PRMT1: variants seen among roughly 807,000 people sequenced by gnomAD.
The protein encoded by PRMT1 is protein arginine methyltransferase 1, also known as protein arginine N-methyltransferase 1.
In PRMT1, 5 loss-of-function variants were observed where a neutral mutation model predicts 47.4. The ratio of observed to expected loss-of-function variants is 0.11; its 90% CI spans 0.06 to 0.22. The LOEUF (loss-of-function observed/expected upper bound fraction) is 0.22. Among genes scored for constraint, PRMT1 ranks in the 10% least tolerant of loss-of-function variants. The probability of loss-of-function intolerance (pLI) is 1.00; values close to 1 mark genes in which losing one functional copy is unlikely to be tolerated. For synonymous variants in PRMT1, 227 were observed against 204.6 expected, an observed-to-expected ratio of 1.11 and a Z score of -0.94; for missense variants, 249 against 518.4, an observed-to-expected ratio of 0.48 and a Z score of 5.05.
Position 49,680,804 on chromosome 19 carries a change from G to A in PRMT1, c.192+216G>A, listed in dbSNP as rs2122951737. Among the ~76,000 whole-genome samples, 1 of 152,348 alleles carries A rather than the reference G, an allele frequency of 6.6e-6. No homozygotes were observed. The highest frequency in any genetic ancestry group is 1.5e-5 in the Non-Finnish European group (1 of 68,024). On this transcript the variant is annotated intron_variant, in intron 3 of 10. Coordinates refer to ENST00000454376, the MANE Select transcript of PRMT1 (RefSeq NM_001536.6). The surrounding 1 kb of genome is among the most constrained non-coding windows in gnomAD (Gnocchi z 4.2). The stretch of plus-strand genomic sequence containing the variant: ...CTGCAGGGGCCTCGCGCCGAAGGCT[G>A]GGGTGGGAGAGCGCATGCGTGCCTG...
Position 49,688,121 on chromosome 19 carries a change from T to A in PRMT1, c.1033-41T>A. The stretch of plus-strand genomic sequence containing the variant: ...CCTGCACCCGCCCCCCGCCACCACC[T>A]CCTGGTGGGTTCCGCCCTCATGCCC... On this transcript the variant is annotated intron_variant, in intron 10 of 10. Transcript: ENST00000454376. The surrounding 1 kb of genome is among the most constrained non-coding windows in gnomAD (Gnocchi z 5.3). The A allele has an allele frequency of 6.4e-7, 1 of 1,553,920 alleles. No homozygotes were observed. Among genetic ancestry groups the A allele is most frequent in the Non-Finnish European group, 8.9e-7 (1 of 1,127,760 alleles).
rs943172387 is a variant in PRMT1 at position 49,685,910 on chromosome 19, G to T, written c.760-183G>T. 2.1e-6 allele frequency: 3 copies of T among 1,424,574 alleles called. No homozygotes were observed. Among genetic ancestry groups the T allele is most frequent in the Non-Finnish European group, 2.7e-6 (3 of 1,093,860 alleles). 88.2% of individuals were successfully genotyped at this position (1,424,574 alleles called of 1,614,324 possible). The stretch of plus-strand genomic sequence containing the variant: ...AGGAATCTGGGCTCGAACCCACATG[G>T]TTTATTGGGAGCCGGATAGGCAGGA... On this transcript the variant is annotated intron_variant, in intron 8 of 10. Transcript: ENST00000454376. This position sits in a 1 kb window ranked among gnomAD's most constrained non-coding sequence, Gnocchi z 4.7.
chr19:49,681,810 G>A lies in PRMT1; in HGVS notation c.193-100G>A, dbSNP rs571114852. ...GAAACTGAGGTGCATGGAAGAAAGC[G>A]AGAGGGCCGAGCTCTGGCCCTCCGA... On this transcript the variant is annotated intron_variant, in intron 3 of 10. Transcript: ENST00000454376. The surrounding 1 kb of genome is among the most constrained non-coding windows in gnomAD (Gnocchi z 4.4). 7.9e-6 allele frequency: 9 copies of A among 1,144,500 alleles called. 1 individual carries two copies. The highest frequency in any genetic ancestry group is 6.0e-5 in the South Asian group (3 of 50,314). 70.9% of individuals were successfully genotyped at this position (1,144,500 alleles called of 1,614,324 possible).
At chr19:49,687,677 G>A (rs570686900) in intron 10 of PRMT1, among the ~76,000 whole-genome samples, 7 of 152,220 alleles carry the variant, frequency 4.6e-5, no homozygotes, top group Non-Finnish European at 4.4e-5. Context: ...CCGGGACCAC[G>A]GCACTAGCTG....
chr19:49,685,752 C>T lies in PRMT1; in HGVS notation c.760-341C>T. ...AGGGTTTAGGTTGGCATTTGTGTTG[C>T]CGTTTGAAGCCATCATGTTGTTGGA... On this transcript the variant is annotated intron_variant, in intron 8 of 10. Transcript: ENST00000454376. The surrounding 1 kb of genome is among the most constrained non-coding windows in gnomAD (Gnocchi z 4.7). 9.2e-7 allele frequency: 1 copy of T among 1,092,264 alleles called. No individual in the cohort carries two copies. The highest frequency in any genetic ancestry group is 1.1e-6 in the Non-Finnish European group (1 of 896,468). The allele number at this position is 1,092,264 out of a possible 1,614,324, so 67.7% of individuals were successfully genotyped here. A position where few individuals can be genotyped will look rare whatever the true frequency, so the allele number is the denominator to read the frequency against.
chr19:49,680,688 G>A lies in PRMT1; in HGVS notation c.192+100G>A. On this transcript the variant is annotated intron_variant, in intron 3 of 10. Coordinates refer to ENST00000454376, the MANE Select transcript of PRMT1 (RefSeq NM_001536.6). The surrounding 1 kb of genome is among the most constrained non-coding windows in gnomAD (Gnocchi z 4.2). The stretch of plus-strand genomic sequence containing the variant: ...CCACGCATGCGCACTGCTTCCCCTG[G>A]CCGCAGGCCGCCCCCCTGCCCCTCT... The A allele has an allele frequency of 1.1e-6, 1 of 948,198 alleles. No individual in the cohort carries two copies. Among genetic ancestry groups the A allele is most frequent in the South Asian group, 1.4e-5 (1 of 69,978 alleles). 58.7% of individuals were successfully genotyped at this position (948,198 alleles called of 1,614,324 possible). A position where few individuals can be genotyped will look rare whatever the true frequency, so the allele number is the denominator to read the frequency against.
chr19:49,684,220 A>T lies in PRMT1; in HGVS notation c.555+151A>T. ...CCACAGCCCAAGCCAGGTGTGACAG[A>T]CCCTGGAGGGAGATGGTGCGATGTG... On this transcript the variant is annotated intron_variant, in intron 6 of 10. Coordinates refer to ENST00000454376, the MANE Select transcript of PRMT1 (RefSeq NM_001536.6). This position sits in a 1 kb window ranked among gnomAD's most constrained non-coding sequence, Gnocchi z 6.2. The T allele has an allele frequency of 9.0e-7, 1 of 1,110,726 alleles. No homozygotes were observed. Among genetic ancestry groups the T allele is most frequent in the Non-Finnish European group, 1.3e-6 (1 of 775,534 alleles). 68.8% of individuals were successfully genotyped at this position (1,110,726 alleles called of 1,614,324 possible).
At chr19:49,683,869 G>A in intron 5 of PRMT1, 58 bp from the exon 6 acceptor site, 2 of 1,573,860 alleles carry the variant, frequency 1.3e-6, no homozygotes, top group South Asian at 1.1e-5. Context: ...CCCCGGGGGA[G>A]GTGAGGTGAG....
intron 1 of PRMT1, 86 bp downstream of exon 1, chr19:49,677,402 G>A (rs2082050693): frequency 2.5e-6 from 3 of 1,215,432 alleles, no homozygotes; most frequent in African/African-American, 3.1e-5. Context: ...GCTCTAAGTT[G>A]GCGATATGGG....
rs746059567 is a variant in PRMT1, at chr19:49,684,856, G to A, written c.643+15G>A. On this transcript the variant is annotated intron_variant, in intron 7 of 10. Coordinates refer to ENST00000454376, the MANE Select transcript of PRMT1 (RefSeq NM_001536.6). The surrounding 1 kb of genome is among the most constrained non-coding windows in gnomAD (Gnocchi z 6.2). The stretch of plus-strand genomic sequence containing the variant: ...CAAGATCCACTGTGAGCGCGGCCCG[G>A]GAGCTGGCGGGCGGGGCCTCGGGTG... 3 of 1,611,992 alleles carry A rather than the reference G, an allele frequency of 1.9e-6. No homozygotes were observed. The highest frequency in any genetic ancestry group is 2.5e-6 in the Non-Finnish European group (3 of 1,178,680).
rs1292754544 is a variant in PRMT1, at chr19:49,681,769, GAATA to G, written c.193-136_193-133del. 4 of 557,930 alleles carry G rather than the reference GAATA, an allele frequency of 7.2e-6. No individual in the cohort carries two copies. Among genetic ancestry groups the G allele is most frequent in the Non-Finnish European group, 1.1e-5 (4 of 370,266 alleles). 34.6% of individuals were successfully genotyped at this position (557,930 alleles called of 1,614,324 possible). ...TAAAATAAAATAAAAATAAATAAAT[GAATA>G]AATATAAAAGGGAAACTGAGGTGCA... On this transcript the variant is annotated intron_variant, in intron 3 of 10. Transcript: ENST00000454376. This position sits in a 1 kb window ranked among gnomAD's most constrained non-coding sequence, Gnocchi z 4.4.
At chr19:49,682,511 G>A (rs142725353) in intron 5 of PRMT1, among the ~76,000 whole-genome samples, 14 of 152,290 alleles carry the variant, frequency 9.2e-5, no homozygotes, top group South Asian at 8.3e-4. Context: ...GGTTGGCCAC[G>A]GAAGGCCCAC....
At chr19:49,677,715 C>T (rs2082057822) in intron 1 of PRMT1, 1 of 163,354 alleles carries the variant, frequency 6.1e-6, no homozygotes. Flanking sequence ...GTCCGACCCT[C>T]CTGACGCCCC....
chr19:49,688,147 C>T lies in PRMT1; in HGVS notation c.1033-15C>T. 1 of 1,613,424 alleles carries T rather than the reference C, an allele frequency of 6.2e-7. No individual in the cohort carries two copies. ...CCTGGTGGGTTCCGCCCTCATGCCCCACCTCTCCCTGCAGCGGGACCTGGA... is the reference window on the plus strand; with the variant it reads ...CCTGGTGGGTTCCGCCCTCATGCCCTACCTCTCCCTGCAGCGGGACCTGGA... On this transcript the variant is annotated splice_polypyrimidine_tract_variant and intron_variant, in intron 10 of 10. Coordinates refer to ENST00000454376, the MANE Select transcript of PRMT1 (RefSeq NM_001536.6). The surrounding 1 kb of genome is among the most constrained non-coding windows in gnomAD (Gnocchi z 5.3).
intron 5 of PRMT1, among the ~76,000 whole-genome samples, chr19:49,682,992 T>C (rs2082143127): frequency 1.3e-5 from 2 of 152,006 alleles, no homozygotes; most frequent in African/African-American, 4.8e-5. Context: ...TTCACCGTGT[T>C]AGCCAGGATG....
chr19:49,681,278 G>A lies in PRMT1; in HGVS notation c.193-632G>A, dbSNP rs533954176. On this transcript the variant is annotated intron_variant, in intron 3 of 10. Transcript: ENST00000454376. This position sits in a 1 kb window ranked among gnomAD's most constrained non-coding sequence, Gnocchi z 4.4. ...TGCCCAGGCTGGTCTCAAACTCTTG[G>A]GATCAAGTGATCCTCCGGCTTTGGC... is the stretch of plus-strand genomic sequence containing the variant. Among the ~76,000 whole-genome samples, 2 of 152,162 alleles carry A rather than the reference G, an allele frequency of 1.3e-5. No individual in the cohort carries two copies. Among genetic ancestry groups the A allele is most frequent in the Non-Finnish European group, 2.9e-5 (2 of 68,036 alleles).
At chr19:49,683,127 C>T (rs1405414828) in intron 5 of PRMT1, among the ~76,000 whole-genome samples, 1 of 150,934 alleles carries the variant, frequency 6.6e-6, no homozygotes, top group East Asian at 2.0e-4. Context: ...CCATGTTGGC[C>T]AGGCTGGTCT....
intron 9 of PRMT1, 74 bp from the exon 10 acceptor site, chr19:49,686,531 C>A: frequency 6.7e-7 from 1 of 1,500,232 alleles, no homozygotes; most frequent in Non-Finnish European, 8.9e-7. Flanking sequence ...GGTGGGCATT[C>A]CGACAGAGGG....
chr19:49,684,302 C>T lies in PRMT1; in HGVS notation c.555+233C>T, dbSNP rs1329552214. Among the ~76,000 whole-genome samples, 1 of 151,796 alleles carries T rather than the reference C, an allele frequency of 6.6e-6. No homozygotes were observed. Among genetic ancestry groups the T allele is most frequent in the Non-Finnish European group, 1.5e-5 (1 of 67,950 alleles). Reference sequence around the variant, plus strand: ...GGCGCAATAGCCCAGGTCCTTAGGCCCCAGCAGGCCTCCCCGGGAGAGGTG... The same window carrying T: ...GGCGCAATAGCCCAGGTCCTTAGGCTCCAGCAGGCCTCCCCGGGAGAGGTG... On this transcript the variant is annotated intron_variant, in intron 6 of 10. Coordinates refer to ENST00000454376, the MANE Select transcript of PRMT1 (RefSeq NM_001536.6). The surrounding 1 kb of genome is among the most constrained non-coding windows in gnomAD (Gnocchi z 6.2).
Sources: allele counts gnomAD v4.1 joint callset (sites outside exome capture counted in the v4.1 genomes callset), GRCh38; gene constraint gnomAD v4.1.1; non-coding constraint Gnocchi (gnomAD v3.1); transcripts MANE v1.5; gene names NCBI Gene and HGNC (gene_info 2026-07-23, HGNC 2026-07-21).